PHF8: variants seen among roughly 807,000 people sequenced by gnomAD.
The protein encoded by PHF8 is histone lysine demethylase PHF8.
PHF8 carries 9 observed loss-of-function variants against 74.4 expected under a neutral mutation model. The observed-to-expected ratio is 0.12, with a 90% confidence interval of 0.07 to 0.21. The LOEUF is 0.21. PHF8 is among the 10% of genes least tolerant of loss of function. PHF8 has a pLI of 1.00. For synonymous variants in PHF8, 311 were observed against 316.6 expected (o/e 0.98, Z 0.19); for missense variants, 478 against 816.6 (o/e 0.59, Z 5.05).
chrX:54,033,692 C>A (rs1313213380), intron 2 of PHF8, among the ~76,000 whole-genome samples: 2 of 110,584 alleles, frequency 1.8e-5, no homozygotes, highest in Non-Finnish European at 3.8e-5. Flanking sequence ...CCAGCCTGGG[C>A]AACAGAGTGA....
chrX:53,977,985 C>T (rs1281991610), intron 18 of PHF8, among the ~76,000 whole-genome samples: 2 of 94,136 alleles, frequency 2.1e-5, no homozygotes, highest in Admixed American at 2.3e-4. Context: ...CACTCTGTCC[C>T]CCCAGGCTGG....
At chrX:54,048,788 T>C (rs1367468799), upstream of PHF8, 1 of 112,506 alleles carries the variant, frequency 8.9e-6, no homozygotes, top group African/African-American at 3.2e-5. Context: ...TAAACATTTA[T>C]TTTTAATAAC....
intron 11 of PHF8, among the ~76,000 whole-genome samples, chrX:53,997,715 T>G (rs1557103297): frequency 1.8e-5 from 2 of 111,884 alleles, no homozygotes; most frequent in Non-Finnish European, 3.8e-5. Flanking sequence ...CATGAGTGCT[T>G]GGGCCACACC....
chrX:53,985,034 G>A lies in PHF8; in HGVS notation c.2323C>T (p.Pro775Ser). ...VSNSPASQRTPGKRPIKRPAY... is the reference protein window; with the variant it reads ...VSNSPASQRTSGKRPIKRPAY... The stretch of plus-strand genomic sequence containing the variant: ...GGCCGCTTGATGGGCCGCTTCCCTG[G>A]GGTGCGCTGGGAAGCAGGACTGTTA... The change falls in exon 18 of 22, where the codon CCA (proline) becomes TCA (serine). Residue 775 changes from proline (P) to serine (S), a missense_variant. Transcript: ENST00000338154. 8.3e-7 allele frequency: 1 copy of A among 1,209,593 alleles called. No individual in the cohort carries two copies. Among genetic ancestry groups the A allele is most frequent in the South Asian group, 1.8e-5 (1 of 56,913 alleles).
At chrX:54,015,302 C>T (rs191941068) in intron 6 of PHF8, among the ~76,000 whole-genome samples, 4 of 111,159 alleles carry the variant, frequency 3.6e-5, no homozygotes, top group Non-Finnish European at 5.7e-5. Context: ...CAGCGCCGGG[C>T]GCGGTGGCTC....
In PHF8 at chrX:53,944,258, G is replaced by C; in HGVS notation, c.2540-15C>G. 1 of 1,133,317 alleles carries C rather than the reference G, an allele frequency of 8.8e-7. No individual in the cohort carries two copies. Among genetic ancestry groups the C allele is most frequent in the Middle Eastern group, 2.7e-4 (1 of 3,734 alleles). 93.4% of individuals were successfully genotyped at this position (1,133,317 alleles called of 1,213,427 possible). ...GGTCACGCGGGCTGCAAGGGAAACA[G>C]GATGAGAAGGTGTCACTAAGACATT... On this transcript the variant is annotated splice_polypyrimidine_tract_variant and intron_variant, in intron 19 of 21. Transcript: ENST00000338154.
Position 53,994,662 on chromosome X carries a change from T to A in PHF8, c.1324-759A>T, listed in dbSNP as rs782029380. On this transcript the variant is annotated intron_variant, in intron 12 of 21. Transcript: ENST00000338154. ...TGGAGAAAAGGTAAGCCTTTAACTATCCTGAATGATTTTGACAGATGGGAC... is the reference window on the plus strand; with the variant it reads ...TGGAGAAAAGGTAAGCCTTTAACTAACCTGAATGATTTTGACAGATGGGAC... Among the ~76,000 whole-genome samples, 7 of 112,598 alleles carry A rather than the reference T, an allele frequency of 6.2e-5. No individual in the cohort carries two copies. The South Asian group carries it at 2.2e-3, about 35-fold the overall frequency.
rs1157737123 is a variant in PHF8, at chrX:54,042,624, T to C, written c.98+7A>G. The C allele has an allele frequency of 8.3e-7, 1 of 1,203,603 alleles. No homozygotes were observed. Among genetic ancestry groups the C allele is most frequent in the Non-Finnish European group, 1.1e-6 (1 of 891,042 alleles). On this transcript the variant is annotated splice_region_variant and intron_variant, in intron 2 of 21. Transcript: ENST00000338154. Reference sequence around the variant, plus strand: ...GCACCCTGTGTAGCCTGGCCTGCCCTCCTTACCTGCCATGAAACCAGTCCT... The same window carrying C: ...GCACCCTGTGTAGCCTGGCCTGCCCCCCTTACCTGCCATGAAACCAGTCCT...
Position 53,958,406 on chromosome X carries a change from T to TA in PHF8, c.2539+4437dup, listed in dbSNP as rs782803602. 7.6e-3 allele frequency among the ~76,000 whole-genome samples: 781 copies of TA among 102,356 alleles called. 9 individuals carry two copies. Among genetic ancestry groups the TA allele is most frequent in the African/African-American group, 0.021 (587 of 28,277 alleles). 88.9% of individuals were successfully genotyped at this position (102,356 alleles called of 115,157 possible). A position where few individuals can be genotyped will look rare whatever the true frequency, so the allele number is the denominator to read the frequency against. Reference sequence around the variant, plus strand: ...GTATAAAATACGTTTCCAACTGAGTTAAAAAAAAAAGGAGGGGGAGGTAGG... The same window carrying TA: ...GTATAAAATACGTTTCCAACTGAGTTAAAAAAAAAAAGGAGGGGGAGGTAGG... On this transcript the variant is annotated intron_variant, in intron 19 of 21. Coordinates refer to ENST00000338154, the MANE Select transcript of PHF8 (RefSeq NM_015107.3).
At chrX:53,961,638 A>G (rs2065107526) in intron 19 of PHF8, among the ~76,000 whole-genome samples, 1 of 111,263 alleles carries the variant, frequency 9.0e-6, no homozygotes, top group African/African-American at 3.3e-5. Context: ...TTTTAAAAAG[A>G]AACATTTACT....
At chrX:54,045,716 A>G (rs1557117350), upstream of PHF8, among the ~76,000 whole-genome samples, 1 of 112,695 alleles carries the variant, frequency 8.9e-6, no homozygotes, top group Non-Finnish European at 1.9e-5. Context: ...ATCAACGTGT[A>G]CAAATGCATG....
chrX:53,988,891 T>C (rs1402172281), intron 14 of PHF8, among the ~76,000 whole-genome samples: 1 of 111,021 alleles, frequency 9.0e-6, no homozygotes, highest in East Asian at 2.8e-4. Flanking sequence ...ACTGGCATAA[T>C]CATTTCACAG....
chrX:53,984,791 C>T (rs2065533963), intron 18 of PHF8, 123 bp downstream of exon 18: 1 of 589,341 alleles, frequency 1.7e-6, no homozygotes, highest in Non-Finnish European at 3.0e-6. Flanking sequence ...CTTAGAGAAA[C>T]TAAGTATCAG....
chrX:53,963,621 A>G (rs1460238377), intron 18 of PHF8, among the ~76,000 whole-genome samples: 2 of 112,454 alleles, frequency 1.8e-5, no homozygotes, highest in Non-Finnish European at 3.8e-5. Context: ...CCAGCCAACA[A>G]ACATATGAAA....
chrX:54,045,180 G>T, upstream of PHF8: 1 of 275,776 alleles, frequency 3.6e-6, no homozygotes, highest in South Asian at 1.4e-4. Context: ...TCAAGGATTT[G>T]TTTGCACCTG....
At chrX:54,017,180 T>C (rs938602266) in intron 5 of PHF8, among the ~76,000 whole-genome samples, 6 of 113,176 alleles carry the variant, frequency 5.3e-5, no homozygotes, top group Non-Finnish European at 1.1e-4. Flanking sequence ...CTGGGCGTGG[T>C]GGCTCACGCC....
chrX:54,003,285 T>A (rs1453575491), intron 8 of PHF8, among the ~76,000 whole-genome samples: 2 of 111,896 alleles, frequency 1.8e-5, no homozygotes, highest in African/African-American at 6.5e-5. Context: ...TATAAAGGAA[T>A]ACCGACTGTT....
Position 54,022,338 on chromosome X carries a change from G to T in PHF8, c.214C>A (p.His72Asn), listed in dbSNP as rs797045886. The T allele has an allele frequency of 1.4e-5, 17 of 1,202,625 alleles. No homozygotes were observed. Among genetic ancestry groups the T allele is most frequent in the Non-Finnish European group, 1.8e-5 (16 of 888,592 alleles). ...MKKRRGSSKGHDTHKGKPVKT... is the reference protein window; with the variant it reads ...MKKRRGSSKGNDTHKGKPVKT... ...ACTGGTTTCCCCTTGTGTGTATCATGCCCCTTTGAAGATCCACGGCGTTTT... is the reference window on the plus strand; with the variant it reads ...ACTGGTTTCCCCTTGTGTGTATCATTCCCCTTTGAAGATCCACGGCGTTTT... Residue 72 changes from histidine (H) to asparagine (N), a missense_variant, in exon 4 of 22, where the codon CAT (histidine) becomes AAT (asparagine). Transcript: ENST00000338154.
chrX:53,939,117 G>A lies in PHF8; in HGVS notation c.*41C>T, dbSNP rs2064710518. 1 of 1,204,227 alleles carries A rather than the reference G, an allele frequency of 8.3e-7. No homozygotes were observed. Among genetic ancestry groups the A allele is most frequent in the Non-Finnish European group, 1.1e-6 (1 of 891,123 alleles). On this transcript the variant is annotated 3_prime_UTR_variant, in exon 22 of 22. Transcript: ENST00000338154. ...GCCCCAAGAGTTGACAATGGAGAAGGCAATGGGGGTAAAGGGGTGAGGGGT... is the reference window on the plus strand; with the variant it reads ...GCCCCAAGAGTTGACAATGGAGAAGACAATGGGGGTAAAGGGGTGAGGGGT...
Sources: gnomAD v4.1 joint callset for allele counts (sites outside exome capture counted in the v4.1 genomes callset) on GRCh38, gnomAD v4.1.1 for gene constraint, MANE v1.5 for transcripts, NCBI Gene and HGNC (gene_info 2026-07-23, HGNC 2026-07-21) for gene names.